The following ARHGAP40 variants were observed in gnomAD, a reference collection of about 807,000 sequenced individuals.
The protein encoded by ARHGAP40 is rho GTPase-activating protein 40.
A neutral mutation model predicts 73.5 loss-of-function variants in ARHGAP40; 43 were observed. That is an observed-to-expected ratio of 0.58 (90% CI 0.46 to 0.75). ARHGAP40 has a LOEUF of 0.75. Among genes scored for constraint, ARHGAP40 ranks in the 30% least tolerant of loss-of-function variants. The pLI is 0.00. For missense variants in ARHGAP40, 734 were observed against 861.8 expected (o/e 0.85, Z 1.86); for synonymous variants, 300 against 352.8 (o/e 0.85, Z 1.68).
intron 1 of ARHGAP40, among the ~76,000 whole-genome samples, chr20:38,606,963 C>G (rs752341739): frequency 9.9e-5 from 15 of 152,214 alleles, no homozygotes; most frequent in Non-Finnish European, 1.9e-4. Context: ...AGTTACTTAA[C>G]CTTTCTGAGC....
chr20:38,647,268 A>G, intron 13 of ARHGAP40, 142 bp downstream of exon 13: 3 of 577,798 alleles, frequency 5.2e-6, no homozygotes, highest in Non-Finnish European at 7.8e-6. Flanking sequence ...GGGTTCTCCA[A>G]TCTTAGAGAG....
At chr20:38,635,342 A>G in intron 6 of ARHGAP40, among the ~76,000 whole-genome samples, 1 of 152,036 alleles carries the variant, frequency 6.6e-6, no homozygotes, top group East Asian at 1.9e-4. Flanking sequence ...TTGTGTGTAT[A>G]TGTGTGTATC....
intron 8 of ARHGAP40, 137 bp downstream of exon 8, chr20:38,638,975 G>A (rs1468837835): frequency 8.0e-6 from 7 of 878,818 alleles, no homozygotes; most frequent in Non-Finnish European, 1.1e-5. Context: ...GGTTTGAGAG[G>A]CTGAAGGTGG....
rs532359562 is a variant in ARHGAP40 at position 38,624,309 on chromosome 20, A to G, written c.337+751A>G. On this transcript the variant is annotated intron_variant, in intron 2 of 14. Transcript: ENST00000373345. ...ACAGCATGGCGGCTGGGTTCCAAGC[A>G]CAAGACCAAGAGAGAGAGCTGGGTA... Among the ~76,000 whole-genome samples the G allele has an allele frequency of 2.0e-5, 3 of 152,242 alleles. No homozygotes were observed. In the East Asian group the frequency reaches 5.8e-4, roughly 29 times the overall value.
In ARHGAP40 at chr20:38,608,585, G is replaced by A. The variant is rs537058371; in HGVS notation, c.137+6506G>A. On this transcript the variant is annotated intron_variant, in intron 1 of 14. Coordinates refer to ENST00000373345, the Ensembl canonical transcript of ARHGAP40. ...CACAATCACCCTGATTTTATAGGCC[G>A]CACATCAAGAGGACAGACCTAGGCC... Among the ~76,000 whole-genome samples, 97 of 152,248 alleles carry A rather than the reference G, an allele frequency of 6.4e-4. 1 individual carries two copies. Among genetic ancestry groups the A allele is most frequent in the African/African-American group, 1.9e-3 (77 of 41,554 alleles).
intron 4 of ARHGAP40, 112 bp downstream of exon 4, chr20:38,629,114 C>T (rs1264778628): frequency 1.1e-6 from 1 of 941,658 alleles, no homozygotes; most frequent in Non-Finnish European, 1.4e-6. Context: ...TTCCTGCTGA[C>T]TCCCTGCCTT....
intron 1 of ARHGAP40, among the ~76,000 whole-genome samples, chr20:38,602,685 C>T (rs945269082): frequency 3.3e-5 from 5 of 152,214 alleles, no homozygotes; most frequent in African/African-American, 1.2e-4. Flanking sequence ...AAAGTTTTGA[C>T]ATATACCTTG....
chr20:38,634,459 G>A (rs2088960532), intron 5 of ARHGAP40, among the ~76,000 whole-genome samples, 161 bp from the exon 6 acceptor site: 1 of 152,202 alleles, frequency 6.6e-6, no homozygotes, highest in Non-Finnish European at 1.5e-5. Context: ...TGCAAGAGGT[G>A]GAGCTTGGAC....
intron 1 of ARHGAP40, among the ~76,000 whole-genome samples, chr20:38,619,902 C>T (rs770805480): frequency 1.2e-4 from 18 of 151,910 alleles, no homozygotes; most frequent in South Asian, 2.1e-4. Flanking sequence ...AGCAAGACCT[C>T]GTCTCTACTG....
intron 9 of ARHGAP40, 84 bp downstream of exon 9, chr20:38,639,470 C>A: frequency 8.0e-7 from 1 of 1,245,818 alleles, no homozygotes; most frequent in Non-Finnish European, 1.1e-6. Context: ...CATGCAAAGG[C>A]AGGACTCCGT....
intron 7 of ARHGAP40, among the ~76,000 whole-genome samples, chr20:38,638,231 T>C (rs220535): frequency 0.6 from 91,368 of 151,316 alleles, 28,101 homozygotes; most frequent in African/African-American, 0.72. Context: ...AGGAGAACGG[T>C]GTGAACCCAG....
intron 13 of ARHGAP40, 38 bp downstream of exon 13, chr20:38,647,164 G>C (rs913233052): frequency 7.8e-7 from 1 of 1,288,882 alleles, no homozygotes; most frequent in Admixed American, 2.4e-5. Flanking sequence ...CCTCTTCCCT[G>C]CAGGGAGGGC....
At chr20:38,616,694 T>C (rs1020634271) in intron 1 of ARHGAP40, among the ~76,000 whole-genome samples, 23 of 152,106 alleles carry the variant, frequency 1.5e-4, no homozygotes, top group African/African-American at 4.6e-4. Context: ...TGATAAGAAG[T>C]TGTGAAGAGT....
intron 11 of ARHGAP40, among the ~76,000 whole-genome samples, chr20:38,645,685 G>A (rs1268726098): frequency 6.6e-6 from 1 of 152,126 alleles, no homozygotes; most frequent in African/African-American, 2.4e-5. Context: ...CTCTCTGGGG[G>A]TTCTCAGAGC....
intron 6 of ARHGAP40, among the ~76,000 whole-genome samples, chr20:38,635,078 C>G (rs532332399): frequency 2.6e-5 from 4 of 152,026 alleles, no homozygotes; most frequent in Non-Finnish European, 5.9e-5. Flanking sequence ...GACGGGGTTT[C>G]ACCATGTTGG....
chr20:38,611,944 C>T (rs2088807384), intron 1 of ARHGAP40, among the ~76,000 whole-genome samples: 1 of 144,526 alleles, frequency 6.9e-6, no homozygotes, highest in Admixed American at 6.9e-5. Flanking sequence ...GGCTGATTTC[C>T]AACTCCTGGG....
intron 1 of ARHGAP40, among the ~76,000 whole-genome samples, chr20:38,612,717 GAAAGA>G (rs1171663100): frequency 4.6e-5 from 7 of 151,730 alleles, no homozygotes; most frequent in Admixed American, 1.3e-4. Flanking sequence ...AAAAGGAAAG[GAAAGA>G]AAAGAAAAGA....
At chr20:38,645,475 G>A (rs1393814701) in intron 11 of ARHGAP40, among the ~76,000 whole-genome samples, 1 of 152,198 alleles carries the variant, frequency 6.6e-6, no homozygotes, top group East Asian at 1.9e-4. Context: ...TCTTCCCCGT[G>A]TGTGTCACCT....
intron 1 of ARHGAP40, among the ~76,000 whole-genome samples, chr20:38,622,884 G>C (rs571143062): frequency 6.6e-6 from 1 of 152,302 alleles, no homozygotes; most frequent in Admixed American, 6.5e-5. Context: ...GGCTGGGAGA[G>C]GGGAGGAGAT....
Sources: gnomAD v4.1 joint callset for allele counts (sites outside exome capture counted in the v4.1 genomes callset) on GRCh38, gnomAD v4.1.1 for gene constraint, MANE v1.5 for transcripts, NCBI Gene and HGNC (gene_info 2026-07-23, HGNC 2026-07-21) for gene names.